Variants in COL4A4 observed in about 807,000 individuals in gnomAD.
COL4A4 encodes collagen type IV alpha 4 chain.
COL4A4 carries 105 observed loss-of-function variants against 192.9 expected under a neutral mutation model. That is an observed-to-expected ratio of 0.54 (90% CI 0.46 to 0.64). COL4A4 has a LOEUF of 0.64. COL4A4 is among the 30% of genes least tolerant of loss of function. COL4A4 has a pLI of 0.00. For synonymous variants in COL4A4, 762 were observed against 769.9 expected, an observed-to-expected ratio of 0.99 and a Z score of 0.17; for missense variants, 1,967 against 2,169.3, an observed-to-expected ratio of 0.91 and a Z score of 1.85.
chr2:227,068,524 C>G (rs1168900887), intron 25 of COL4A4, among the ~76,000 whole-genome samples: 1 of 152,220 alleles, frequency 6.6e-6, no homozygotes, highest in Non-Finnish European at 1.5e-5. Context: ...CCACCATGAT[C>G]AAGTGGGCTT....
intron 43 of COL4A4, 35 bp from the exon 44 acceptor site, chr2:227,022,208 A>G: frequency 6.2e-7 from 1 of 1,613,786 alleles, no homozygotes; most frequent in South Asian, 1.1e-5. Flanking sequence ...TAATGGATGC[A>G]CGTGCTTATG....
intron 1 of COL4A4, among the ~76,000 whole-genome samples, chr2:227,155,260 T>A (rs973609753): frequency 6.6e-6 from 1 of 151,992 alleles, no homozygotes; most frequent in African/African-American, 2.4e-5. Context: ...GAGTTGAGTT[T>A]GTTAGTGCAA....
chr2:226,992,976 G>GTGAT, the COL4A4 span, among the ~76,000 whole-genome samples: 1 of 152,210 alleles, frequency 6.6e-6, no homozygotes, highest in Non-Finnish European at 1.5e-5. Flanking sequence ...GCTTTATAAA[G>GTGAT]AAGAGTGTGA....
intron 6 of COL4A4, among the ~76,000 whole-genome samples, chr2:227,119,319 A>G (rs2061652499): frequency 6.6e-6 from 1 of 151,660 alleles, no homozygotes; most frequent in African/African-American, 2.4e-5. Context: ...CATGCACTAA[A>G]ATGAGAAAAT....
At chr2:227,063,330 C>G (rs1576243464) in intron 25 of COL4A4, among the ~76,000 whole-genome samples, 1 of 152,234 alleles carries the variant, frequency 6.6e-6, no homozygotes, top group East Asian at 1.9e-4. Context: ...GAATTTTTCT[C>G]TTTTATATTA....
intron 4 of COL4A4, among the ~76,000 whole-genome samples, chr2:227,135,457 G>A (rs2062751981): frequency 6.6e-6 from 1 of 152,176 alleles, no homozygotes; most frequent in African/African-American, 2.4e-5. Flanking sequence ...TTTGAACTAT[G>A]TGAGATTACT....
rs185461437 is a variant in COL4A4 at position 227,161,864 on chromosome 2, G to C, written c.-102+2143C>G. Among the ~76,000 whole-genome samples, 453 of 151,816 alleles carry C rather than the reference G, an allele frequency of 3.0e-3. 4 individuals carry two copies. The highest frequency in any genetic ancestry group is 9.7e-3 in the African/African-American group (402 of 41,362). On this transcript the variant is annotated intron_variant, in intron 1 of 47. Coordinates refer to ENST00000396625, the MANE Select transcript of COL4A4 (RefSeq NM_000092.5). ...GCTATGCTTGCCTCCAGCCATTTTA[G>C]TACTGAGCTCAGAAGAGCATCTCTA...
intron 37 of COL4A4, among the ~76,000 whole-genome samples, chr2:227,038,756 T>A (rs1471629416): frequency 2.6e-5 from 4 of 152,240 alleles, no homozygotes; most frequent in Admixed American, 2.6e-4. Context: ...TCAAACAAGA[T>A]AATCAGTCCC....
At chr2:227,072,714 GTTTTCATCC>G (rs2058792754) in intron 25 of COL4A4, among the ~76,000 whole-genome samples, 1 of 151,932 alleles carries the variant, frequency 6.6e-6, no homozygotes, top group South Asian at 2.1e-4. Flanking sequence ...TGATCAAGTG[GTTTTCATCC>G]CAGGGATGTA....
chr2:226,984,947 G>A, the COL4A4 span, among the ~76,000 whole-genome samples: 2 of 150,982 alleles, frequency 1.3e-5, no homozygotes, highest in Non-Finnish European at 3.0e-5. Context: ...GGGGGAGGAG[G>A]GGCAGAAGCA....
chr2:227,105,179 A>G lies in COL4A4; in HGVS notation c.736-1127T>C, dbSNP rs2060767608. On this transcript the variant is annotated intron_variant, in intron 12 of 47. Coordinates refer to ENST00000396625, the MANE Select transcript of COL4A4 (RefSeq NM_000092.5). Reference sequence around the variant, plus strand: ...TTTTCTATTATACTAAAATCTCTTCAGGATCCTGATTTTTTTTTTTTTTTT... The same window carrying G: ...TTTTCTATTATACTAAAATCTCTTCGGGATCCTGATTTTTTTTTTTTTTTT... 2.8e-5 allele frequency among the ~76,000 whole-genome samples: 4 copies of G among 144,972 alleles called. No homozygotes were observed. The Admixed American group carries it at 2.8e-4, about 10-fold the overall frequency.
intron 37 of COL4A4, among the ~76,000 whole-genome samples, chr2:227,041,805 GAAGAAAGAAAGAAAGA>G (rs202002799): frequency 2.0e-4 from 8 of 39,360 alleles, no homozygotes; most frequent in Non-Finnish European, 3.6e-4. Flanking sequence ...AGAAAGAAAG[GAAGAAAGAAAGAAAGA>G]AAGAAAGAAA....
Position 227,008,284 on chromosome 2 carries a change from G to T in COL4A4, c.4543C>A (p.Pro1515Thr). ...GCAAAGGGCAGCGTGCTAAATACGGGAAGGCAAGACCCTGCCAGACCTTGG... is the reference window on the plus strand; with the variant it reads ...GCAAAGGGCAGCGTGCTAAATACGGTAAGGCAAGACCCTGCCAGACCTTGG... ...QDLGLAGSCL[P>T]VFSTLPFAYC... Residue 1515 changes from proline to threonine, a missense_variant, in exon 47 of 48, where the codon CCC (proline) becomes ACC (threonine). Coordinates refer to ENST00000396625, the MANE Select transcript of COL4A4 (RefSeq NM_000092.5). 6.2e-7 allele frequency: 1 copy of T among 1,614,230 alleles called. No individual in the cohort carries two copies. Among genetic ancestry groups the T allele is most frequent in the Non-Finnish European group, 8.5e-7 (1 of 1,180,036 alleles).
intron 1 of COL4A4, among the ~76,000 whole-genome samples, chr2:227,160,612 C>A (rs2064750230): frequency 6.6e-6 from 1 of 152,184 alleles, no homozygotes; most frequent in African/African-American, 2.4e-5. Flanking sequence ...AGAAAACTTC[C>A]ATAATGATAA....
rs945344892 is a variant in COL4A4, at chr2:227,045,803, T to C, written c.3289+1672A>G. ...AAATACATATATATATATATACACA[T>C]ATATATATATATACACATATATATA... On this transcript the variant is annotated intron_variant, in intron 35 of 47. Transcript: ENST00000396625. Among the ~76,000 whole-genome samples, 19 of 42,198 alleles carry C rather than the reference T, an allele frequency of 4.5e-4. 4 individuals are homozygous for C. Among genetic ancestry groups the C allele is most frequent in the African/African-American group, 9.2e-4 (7 of 7,646 alleles). 27.7% of individuals were successfully genotyped at this position (42,198 alleles called of 152,430 possible). A position where few individuals can be genotyped will look rare whatever the true frequency, so the allele number is the denominator to read the frequency against.
At chr2:227,034,683 A>T (rs1378201276) in intron 37 of COL4A4, among the ~76,000 whole-genome samples, 3 of 150,214 alleles carry the variant, frequency 2.0e-5, no homozygotes, top group African/African-American at 7.4e-5. Flanking sequence ...GTCATCTAGC[A>T]TTAGGTATAT....
intron 17 of COL4A4, 132 bp from the exon 18 acceptor site, chr2:227,099,821 T>C: frequency 1.3e-6 from 1 of 788,894 alleles, no homozygotes; most frequent in Non-Finnish European, 2.2e-6. Flanking sequence ...ACTAGAGAAA[T>C]GAAGCATCCA....
At chr2:226,968,802 C>T in the COL4A4 span, among the ~76,000 whole-genome samples, 1 of 152,198 alleles carries the variant, frequency 6.6e-6, no homozygotes, top group Admixed American at 6.5e-5. Context: ...TCGGTGTTTG[C>T]AGAATGGCTA....
intron 43 of COL4A4, chr2:227,022,616 C>A: frequency 2.0e-6 from 1 of 512,812 alleles, no homozygotes; most frequent in Non-Finnish European, 4.0e-6. Context: ...TACACTGCAG[C>A]CACGTGGGTT....
Sources: allele counts gnomAD v4.1 joint callset (sites outside exome capture counted in the v4.1 genomes callset), GRCh38; gene constraint gnomAD v4.1.1; transcripts MANE v1.5; gene names NCBI Gene and HGNC (gene_info 2026-07-23, HGNC 2026-07-21).